VPS13B: variants seen among roughly 807,000 people sequenced by gnomAD.
The protein encoded by VPS13B is intermembrane lipid transfer protein VPS13B.
A neutral mutation model predicts 426.4 loss-of-function variants in VPS13B; 285 were observed. That is an observed-to-expected ratio of 0.67 (90% confidence interval 0.61 to 0.74). The LOEUF is 0.74. Ranked by LOEUF, VPS13B falls within the 30% of genes least tolerant of loss-of-function variation. VPS13B has a pLI of 0.00. For synonymous variants in VPS13B, 1,676 were observed against 1,676.4 expected, an observed-to-expected ratio of 1.00 and a Z score of 0.01; for missense variants, 4,537 against 4,782.6, an observed-to-expected ratio of 0.95 and a Z score of 1.51.
At chr8:99,409,240 G>A (rs1330268984) in intron 21 of VPS13B, among the ~76,000 whole-genome samples, 1 of 152,124 alleles carries the variant, frequency 6.6e-6, no homozygotes, top group East Asian at 1.9e-4. Context: ...ATGAGGTCAG[G>A]TGGGGATTGC....
chr8:99,284,720 TTG>T (rs756599409), intron 19 of VPS13B, among the ~76,000 whole-genome samples: 2 of 53,690 alleles, frequency 3.7e-5, no homozygotes, highest in Admixed American at 1.3e-4. Flanking sequence ...CTGGCTAAAT[TTG>T]TGTGTGTGTG....
chr8:99,264,079 CT>C (rs1047655481), intron 17 of VPS13B, among the ~76,000 whole-genome samples: 31 of 150,754 alleles, frequency 2.1e-4, no homozygotes, highest in African/African-American at 5.6e-4. Flanking sequence ...TAATAACTGT[CT>C]TTTTTTTTGT....
At chr8:99,034,134 T>A (rs897031594) in intron 2 of VPS13B, among the ~76,000 whole-genome samples, 1 of 152,174 alleles carries the variant, frequency 6.6e-6, no homozygotes, top group Non-Finnish European at 1.5e-5. Context: ...CCCCAGGAGA[T>A]GGTTGTTGTT....
intron 19 of VPS13B, among the ~76,000 whole-genome samples, chr8:99,335,441 G>A (rs952495550): frequency 6.6e-5 from 10 of 151,958 alleles, no homozygotes; most frequent in African/African-American, 2.4e-4. Context: ...TCTTTTAATT[G>A]TGATGTTAGG....
chr8:99,774,597 A>G (rs1036742508), intron 40 of VPS13B, among the ~76,000 whole-genome samples: 4 of 152,198 alleles, frequency 2.6e-5, no homozygotes, highest in Non-Finnish European at 5.9e-5. Context: ...TACCCATTTT[A>G]AAAAACTGGT....
At chr8:99,455,120 T>G (rs1029209131) in intron 23 of VPS13B, among the ~76,000 whole-genome samples, 8 of 152,208 alleles carry the variant, frequency 5.3e-5, no homozygotes, top group African/African-American at 1.7e-4. Flanking sequence ...AAAGTCCAGC[T>G]TATCAGTTCT....
chr8:99,567,528 T>G (rs2133790348), intron 31 of VPS13B, among the ~76,000 whole-genome samples: 1 of 151,992 alleles, frequency 6.6e-6, no homozygotes, highest in South Asian at 2.1e-4. Flanking sequence ...ATTATTTAAT[T>G]TTGCCGAACT....
intron 21 of VPS13B, among the ~76,000 whole-genome samples, chr8:99,422,742 T>G (rs1816441873): frequency 1.3e-5 from 2 of 152,206 alleles, no homozygotes; most frequent in African/African-American, 2.4e-5. Flanking sequence ...AAAACAATTC[T>G]GAAACATATA....
chr8:99,139,743 T>C (rs1810296142), intron 12 of VPS13B, among the ~76,000 whole-genome samples: 1 of 152,058 alleles, frequency 6.6e-6, no homozygotes, highest in Non-Finnish European at 1.5e-5. Flanking sequence ...GGCCCTCTGT[T>C]GATATTTCTT....
intron 25 of VPS13B, among the ~76,000 whole-genome samples, chr8:99,501,075 C>T (rs1821208333): frequency 6.6e-6 from 1 of 152,150 alleles, no homozygotes; most frequent in African/African-American, 2.4e-5. Context: ...ATTGTCAAAT[C>T]TACTAATTTT....
chr8:99,019,661 T>C (rs1841792247), intron 2 of VPS13B, among the ~76,000 whole-genome samples: 1 of 152,254 alleles, frequency 6.6e-6, no homozygotes, highest in African/African-American at 2.4e-5. Context: ...TCCCAGCCCC[T>C]TGGCAACCAC....
At chr8:99,617,996 G>A (rs1378605877) in intron 33 of VPS13B, among the ~76,000 whole-genome samples, 2 of 151,986 alleles carry the variant, frequency 1.3e-5, no homozygotes, top group Non-Finnish European at 2.9e-5. Context: ...CCAGAAAAAT[G>A]TACCCATCTT....
chr8:99,717,366 T>C lies in VPS13B; in HGVS notation c.6650T>C (p.Leu2217Pro). Reference sequence around the variant, plus strand: ...ATATCCATTGACTTAAGAGGAGGTCTACTACAGGTCTGTGGGTATTGGCCA... The same window carrying C: ...ATATCCATTGACTTAAGAGGAGGTCCACTACAGGTCTGTGGGTATTGGCCA... ...PKISIDLRGG[L>P]LQVFWGQEHL... Residue 2217 changes from leucine to proline, a missense_variant, in exon 37 of 62, where the codon CTA (leucine) becomes CCA (proline). Leu to Pro is a moderately conservative substitution (Grantham distance 98). Around this residue, in one of 2 missense-constraint regions of VPS13B, gnomAD observed 4,311 missense variants for 4,474.3 expected, o/e 0.96. Coordinates refer to ENST00000357162, the MANE Select transcript of VPS13B (RefSeq NM_152564.5). 1 of 1,613,882 alleles carries C rather than the reference T, an allele frequency of 6.2e-7. No individual in the cohort carries two copies. Among genetic ancestry groups the C allele is most frequent in the Non-Finnish European group, 8.5e-7 (1 of 1,179,844 alleles).
intron 3 of VPS13B, among the ~76,000 whole-genome samples, chr8:99,090,324 GT>G (rs1846073662): frequency 6.7e-6 from 1 of 150,016 alleles, no homozygotes; most frequent in African/African-American, 2.5e-5. Context: ...CAGGAGTGCA[GT>G]GGTGCGATCT....
chr8:99,351,604 C>T (rs570784919), intron 19 of VPS13B, among the ~76,000 whole-genome samples: 1 of 152,184 alleles, frequency 6.6e-6, no homozygotes, highest in South Asian at 2.1e-4. Flanking sequence ...AAAATGTGGT[C>T]ACCACCTGGG....
intron 33 of VPS13B, among the ~76,000 whole-genome samples, chr8:99,595,476 G>A (rs1007808025): frequency 3.3e-5 from 5 of 151,872 alleles, no homozygotes; most frequent in African/African-American, 9.6e-5. Flanking sequence ...AACTCAAAAT[G>A]GATCAAAGAC....
intron 36 of VPS13B, among the ~76,000 whole-genome samples, chr8:99,708,259 T>C (rs1832568601): frequency 6.6e-6 from 1 of 152,142 alleles, no homozygotes; most frequent in African/African-American, 2.4e-5. Context: ...GTGAGCATGG[T>C]GGCAGATTGG....
intron 33 of VPS13B, among the ~76,000 whole-genome samples, chr8:99,635,731 A>T (rs1451677665): frequency 6.6e-6 from 1 of 152,008 alleles, no homozygotes; most frequent in Non-Finnish European, 1.5e-5. Flanking sequence ...ATATGTTCAT[A>T]AAAATGTTGA....
intron 25 of VPS13B, among the ~76,000 whole-genome samples, chr8:99,500,416 A>G (rs1179008454): frequency 6.6e-6 from 1 of 152,138 alleles, no homozygotes; most frequent in African/African-American, 2.4e-5. Context: ...TATAACTACA[A>G]TTTATGAACT....
Sources: gnomAD v4.1 joint callset for allele counts (sites outside exome capture counted in the v4.1 genomes callset) on GRCh38, gnomAD v4.1.1 for gene constraint, gnomAD v4.1.1 regional missense constraint, MANE v1.5 for transcripts, NCBI Gene and HGNC (gene_info 2026-07-23, HGNC 2026-07-21) for gene names.